FTO: variants seen among roughly 807,000 people sequenced by gnomAD.
FTO encodes FTO alpha-ketoglutarate dependent dioxygenase.
In FTO, 47 loss-of-function variants were observed where a neutral mutation model predicts 63.9. The ratio of observed to expected loss-of-function variants is 0.74; its 90% CI spans 0.58 to 0.94. FTO has a LOEUF of 0.94. Ranked by LOEUF, FTO falls within the 40% of genes least tolerant of loss-of-function variation. The pLI, the probability that FTO is intolerant of heterozygous loss-of-function variation, is 0.00. For synonymous variants in FTO, 207 were observed against 224.4 expected (o/e 0.92, Z 0.69); for missense variants, 562 against 618.1 (o/e 0.91, Z 0.96).
chr16:53,878,398 G>A (rs1370951613), intron 5 of FTO, among the ~76,000 whole-genome samples: 2 of 152,046 alleles, frequency 1.3e-5, no homozygotes, highest in African/African-American at 2.4e-5. Context: ...CAGGAAATTG[G>A]AGCTGCCTGC....
At chr16:53,864,435 C>A (rs896469364) in intron 4 of FTO, among the ~76,000 whole-genome samples, 3 of 152,102 alleles carry the variant, frequency 2.0e-5, no homozygotes, top group African/African-American at 7.2e-5. Context: ...GTATTAAAAC[C>A]AGGAAAGTCG....
intron 8 of FTO, among the ~76,000 whole-genome samples, chr16:53,951,869 G>A (rs1003954922): frequency 2.6e-5 from 4 of 151,646 alleles, no homozygotes; most frequent in African/African-American, 9.7e-5. Flanking sequence ...TAATGTGGGT[G>A]GTTCATGGAT....
intron 8 of FTO, among the ~76,000 whole-genome samples, chr16:54,022,725 A>G (rs114651936): frequency 6.6e-5 from 10 of 152,242 alleles, no homozygotes; most frequent in Admixed American, 6.5e-5. Context: ...CACAAAAAAA[A>G]CCACAAATGA....
chr16:53,852,802 C>G (rs748897081), intron 4 of FTO, among the ~76,000 whole-genome samples: 2 of 152,164 alleles, frequency 1.3e-5, no homozygotes, highest in Non-Finnish European at 2.9e-5. Context: ...TTCCCTCTCC[C>G]CCTGGAGACT....
intron 8 of FTO, among the ~76,000 whole-genome samples, chr16:53,973,391 T>C (rs138923241): frequency 7.2e-5 from 11 of 152,356 alleles, no homozygotes; most frequent in Admixed American, 2.0e-4. Context: ...CATTTGCTAC[T>C]TAAATACCAC....
At chr16:53,986,267 A>G (rs1240675209) in intron 8 of FTO, among the ~76,000 whole-genome samples, 3 of 152,330 alleles carry the variant, frequency 2.0e-5, no homozygotes, top group Admixed American at 6.5e-5. Flanking sequence ...TAGACAGGGA[A>G]AACCTGAGAG....
At position 54,065,756 on chromosome 16, in the gene FTO, T is replaced by C. The variant is rs184522271; in HGVS notation, c.1365-46006T>C. Among the ~76,000 whole-genome samples, 88 of 152,286 alleles carry C rather than the reference T, an allele frequency of 5.8e-4. 1 individual carries two copies. The East Asian group carries it at 0.015, about 26-fold the overall frequency. On this transcript the variant is annotated intron_variant, in intron 8 of 8. Coordinates refer to ENST00000471389, the MANE Select transcript of FTO (RefSeq NM_001080432.3). ...CCTTTCTGGGAATGGAAAAATTATT[T>C]TGGTGATAAGATGTTTCCAGCCCAC... is the stretch of plus-strand genomic sequence containing the variant.
intron 4 of FTO, among the ~76,000 whole-genome samples, chr16:53,852,078 A>C (rs1055435474): frequency 4.9e-5 from 7 of 141,982 alleles, no homozygotes; most frequent in South Asian, 2.2e-4. Flanking sequence ...CAACATGGCA[A>C]AACTCTGTCT....
intron 4 of FTO, among the ~76,000 whole-genome samples, chr16:53,871,628 G>T (rs985041486): frequency 1.1e-4 from 17 of 151,922 alleles, no homozygotes; most frequent in African/African-American, 4.1e-4. Flanking sequence ...GTTGGGTATT[G>T]CACATCGTAT....
intron 4 of FTO, among the ~76,000 whole-genome samples, chr16:53,866,857 A>G (rs534462800): frequency 1.3e-5 from 2 of 151,924 alleles, no homozygotes; most frequent in Non-Finnish European, 2.9e-5. Context: ...TCTGTTTTTT[A>G]TCTCATCGAG....
chr16:53,916,661 C>T (rs1328692376), intron 7 of FTO, among the ~76,000 whole-genome samples: 1 of 152,160 alleles, frequency 6.6e-6, no homozygotes, highest in Non-Finnish European at 1.5e-5. Context: ...ACACAGAGCA[C>T]TAAACATATA....
chr16:53,845,592 A>G (rs1359582213), intron 4 of FTO, among the ~76,000 whole-genome samples: 1 of 152,244 alleles, frequency 6.6e-6, no homozygotes, highest in African/African-American at 2.4e-5. Context: ...GAGATTTTAC[A>G]TCACTATCTT....
chr16:54,094,588 T>C (rs1567568240), intron 8 of FTO, among the ~76,000 whole-genome samples: 1 of 152,184 alleles, frequency 6.6e-6, no homozygotes, highest in Non-Finnish European at 1.5e-5. Flanking sequence ...GTGTGTTGAG[T>C]TCTGAAGATA....
chr16:53,762,252 T>C (rs28595108), intron 1 of FTO, among the ~76,000 whole-genome samples: 3,703 of 152,308 alleles, frequency 0.024, 144 homozygotes, highest in African/African-American at 0.084. Context: ...GCTACAATTG[T>C]TCAGAGTATG....
At chr16:53,830,977 G>A (rs1192685092) in intron 3 of FTO, among the ~76,000 whole-genome samples, 1 of 152,170 alleles carries the variant, frequency 6.6e-6, no homozygotes, top group African/African-American at 2.4e-5. Flanking sequence ...TTCCTGTTGA[G>A]CATGTGATAG....
intron 8 of FTO, among the ~76,000 whole-genome samples, chr16:53,952,029 G>A (rs564321793): frequency 4.1e-4 from 62 of 152,244 alleles, no homozygotes; most frequent in African/African-American, 1.4e-3. Flanking sequence ...CATAATAATA[G>A]CAGCTAACCT....
At chr16:53,785,939 T>C (rs951299483) in intron 1 of FTO, among the ~76,000 whole-genome samples, 5 of 149,052 alleles carry the variant, frequency 3.4e-5, no homozygotes, top group African/African-American at 1.2e-4. Context: ...AAGAAAGTCA[T>C]GATAAAGAGT....
intron 8 of FTO, among the ~76,000 whole-genome samples, chr16:53,982,140 A>G (rs1288292805): frequency 6.6e-6 from 1 of 152,110 alleles, no homozygotes; most frequent in East Asian, 1.9e-4. Context: ...CCTAAGCCTT[A>G]GAGAAAACTT....
At chr16:53,745,859 A>C (rs1193301725) in intron 1 of FTO, among the ~76,000 whole-genome samples, 1 of 152,184 alleles carries the variant, frequency 6.6e-6, no homozygotes, top group Non-Finnish European at 1.5e-5. Context: ...GCCGTTGTTC[A>C]TTTCTGTTGC....
Sources: gnomAD v4.1 joint callset for allele counts (sites outside exome capture counted in the v4.1 genomes callset) on GRCh38, gnomAD v4.1.1 for gene constraint, MANE v1.5 for transcripts, NCBI Gene and HGNC (gene_info 2026-07-23, HGNC 2026-07-21) for gene names.